LYRM7: variants seen among roughly 807,000 people sequenced by gnomAD.
LYRM7 encodes complex III assembly factor LYRM7.
In LYRM7, 9 loss-of-function variants were observed where a neutral mutation model predicts 15.8. That is an observed-to-expected ratio of 0.57 (90% CI 0.34 to 0.99). LYRM7 has a LOEUF of 0.99. LYRM7 is among the 50% of genes least tolerant of loss of function. The probability of loss-of-function intolerance (pLI) is 0.02; values close to 1 mark genes in which losing one functional copy is unlikely to be tolerated. For synonymous variants in LYRM7, 39 were observed against 39.4 expected (o/e 0.99, Z 0.04); for missense variants, 115 against 119.1 (o/e 0.97, Z 0.16).
chr5:131,172,783 G>T (rs1362660740), intron 1 of LYRM7, among the ~76,000 whole-genome samples: 1 of 152,116 alleles, frequency 6.6e-6, no homozygotes, highest in African/African-American at 2.4e-5. Flanking sequence ...GAGGCAAAAA[G>T]GCTGTTACTT....
At chr5:131,172,331 C>T (rs781388258) in intron 1 of LYRM7, among the ~76,000 whole-genome samples, 13 of 152,144 alleles carry the variant, frequency 8.5e-5, no homozygotes, top group Non-Finnish European at 1.6e-4. Flanking sequence ...AAGAGTTTCT[C>T]GAACCTGGGA....
At chr5:131,181,294 A>ATATATATATAT (rs1221861213) in intron 2 of LYRM7, among the ~76,000 whole-genome samples, 5 of 16,420 alleles carry the variant, frequency 3.0e-4, no homozygotes, top group African/African-American at 3.0e-4. Context: ...AAAAAAAAAA[A>ATATATATATAT]AAAAAAAAAT....
intron 1 of LYRM7, among the ~76,000 whole-genome samples, chr5:131,171,971 T>C (rs576773430): frequency 5.5e-4 from 84 of 152,340 alleles, no homozygotes; most frequent in African/African-American, 1.9e-3. Context: ...CTAAGCATAG[T>C]GGATGCAACA....
chr5:131,193,957 C>T (rs1422198533), intron 4 of LYRM7, among the ~76,000 whole-genome samples: 2 of 151,730 alleles, frequency 1.3e-5, no homozygotes, highest in African/African-American at 4.8e-5. Flanking sequence ...TGCAGTGAGC[C>T]GAGATTGCGC....
chr5:131,184,246 C>T lies in LYRM7; in HGVS notation c.162+1947C>T, dbSNP rs146661422. The stretch of plus-strand genomic sequence containing the variant: ...CCTCCCAAAGTGCTGGGATTACAGG[C>T]GTGAGCCACTGTGCCCAGCCCCCTG... On this transcript the variant is annotated intron_variant, in intron 3 of 4. Coordinates refer to ENST00000379380, the MANE Select transcript of LYRM7 (RefSeq NM_181705.4). Among the ~76,000 whole-genome samples, 849 of 152,262 alleles carry T rather than the reference C, an allele frequency of 5.6e-3. 7 individuals carry two copies. Among genetic ancestry groups the T allele is most frequent in the African/African-American group, 0.02 (832 of 41,546 alleles).
In LYRM7 at chr5:131,182,244, T is replaced by G; in HGVS notation, c.107T>G (p.Ile36Arg). 7.0e-7 allele frequency: 1 copy of G among 1,435,376 alleles called. No individual in the cohort carries two copies. Among genetic ancestry groups the G allele is most frequent in the South Asian group, 1.2e-5 (1 of 80,442 alleles). 88.9% of individuals were successfully genotyped at this position (1,435,376 alleles called of 1,614,324 possible). The change falls in exon 3 of 5, where the codon ATA becomes AGA. Residue 36 changes from isoleucine to arginine, a missense_variant. Transcript: ENST00000379380. ...ARALEAARIKINEEFKNNKSE... is the reference protein window; with the variant it reads ...ARALEAARIKRNEEFKNNKSE... ...CTCTTTGTAGCAGCCAGAATAAAGA[T>G]AAATGAAGAATTCAAAAATAATAAA...
intron 3 of LYRM7, among the ~76,000 whole-genome samples, chr5:131,182,700 A>C (rs2149662011): frequency 6.6e-6 from 1 of 152,324 alleles, no homozygotes; most frequent in South Asian, 2.1e-4. Context: ...CCATCTTGGC[A>C]ATGACAAACA....
chr5:131,196,043 G>GCATTTTGC (rs953183701), intron 4 of LYRM7, among the ~76,000 whole-genome samples: 3 of 151,824 alleles, frequency 2.0e-5, no homozygotes, highest in Admixed American at 2.0e-4. Flanking sequence ...GGATTTATAT[G>GCATTTTGC]CATTTTGCAT....
Position 131,202,233 on chromosome 5 carries a change from G to A in LYRM7, c.*2632G>A, listed in dbSNP as rs113372431. ...TTCATGGCTGGGTGTGGTGGCTCAC[G>A]CCTGTAATCCCAGCACTTTGGCAGG... On this transcript the variant is annotated 3_prime_UTR_variant, in exon 5 of 5. Coordinates refer to ENST00000379380, the MANE Select transcript of LYRM7 (RefSeq NM_181705.4). The A allele has an allele frequency of 0.17, 26,303 of 151,992 alleles. 2,599 individuals carry two copies. Among genetic ancestry groups the A allele is most frequent in the African/African-American group, 0.27 (11,170 of 41,444 alleles). The allele number at this position is 151,992 out of a possible 1,614,324, so 9.4% of individuals were successfully genotyped here.
At chr5:131,175,197 C>CTT (rs59140330) in intron 1 of LYRM7, among the ~76,000 whole-genome samples, 11,863 of 125,540 alleles carry the variant, frequency 0.094, 1,561 homozygotes, top group African/African-American at 0.29. Flanking sequence ...GCTTCAATCT[C>CTT]TTTTTTTTTT....
At position 131,199,612 on chromosome 5, in the gene LYRM7, A is replaced by G; in HGVS notation, c.*11A>G. Reference sequence around the variant, plus strand: ...ACTCAGAAGCAATGAGTTTTCTAGAATACAACAAGTCTTTGTACTTTTTAA... The same window carrying G: ...ACTCAGAAGCAATGAGTTTTCTAGAGTACAACAAGTCTTTGTACTTTTTAA... On this transcript the variant is annotated 3_prime_UTR_variant, in exon 5 of 5. Coordinates refer to ENST00000379380, the MANE Select transcript of LYRM7 (RefSeq NM_181705.4). 1 of 1,581,914 alleles carries G rather than the reference A, an allele frequency of 6.3e-7. No homozygotes were observed. Among genetic ancestry groups the G allele is most frequent in the Non-Finnish European group, 8.6e-7 (1 of 1,161,424 alleles).
rs1756036825 is a variant in LYRM7 at position 131,200,124 on chromosome 5, T to C, written c.*523T>C. The C allele has an allele frequency of 6.6e-6, 1 of 152,370 alleles. No homozygotes were observed. Among genetic ancestry groups the C allele is most frequent in the Non-Finnish European group, 1.5e-5 (1 of 68,030 alleles). 9.4% of individuals were successfully genotyped at this position (152,370 alleles called of 1,614,324 possible). ...TATTTCTGTAGCTAATATATAATTG[T>C]ACAGTTTCTTTTTAGAGATAGAGAG... On this transcript the variant is annotated 3_prime_UTR_variant, in exon 5 of 5. Transcript: ENST00000379380.
Position 131,181,275 on chromosome 5 carries a change from GAAA to G in LYRM7, c.92-928_92-926del, listed in dbSNP as rs1195878324. On this transcript the variant is annotated intron_variant, in intron 2 of 4. Transcript: ENST00000379380. ...TGGGCGACAAAGCAAGACTCCATCT[GAAA>G]AAAAAAAAAAAAAAAAAAAAAAAAA... Among the ~76,000 whole-genome samples, 63 of 8,334 alleles carry G rather than the reference GAAA, an allele frequency of 7.6e-3. 1 individual carries two copies. The highest frequency in any genetic ancestry group is 9.7e-3 in the Non-Finnish European group (35 of 3,618). 5.5% of individuals were successfully genotyped at this position (8,334 alleles called of 152,430 possible).
At chr5:131,179,379 A>G (rs7721068) in intron 1 of LYRM7, among the ~76,000 whole-genome samples, 34,818 of 151,656 alleles carry the variant, frequency 0.23, 6,016 homozygotes, top group African/African-American at 0.49. Flanking sequence ...TTTAATCCTT[A>G]TAATACGATT....
chr5:131,175,233 A>G lies in LYRM7; in HGVS notation c.18+4195A>G, dbSNP rs1048617326. Among the ~76,000 whole-genome samples the G allele has an allele frequency of 3.3e-5, 4 of 123,006 alleles. No individual in the cohort carries two copies. The East Asian group carries it at 8.7e-4, about 27-fold the overall frequency. The allele number at this position is 123,006 out of a possible 152,430, so 80.7% of individuals were successfully genotyped here. A position where few individuals can be genotyped will look rare whatever the true frequency, so the allele number is the denominator to read the frequency against. On this transcript the variant is annotated intron_variant, in intron 1 of 4. Transcript: ENST00000379380. ...TTTTTTTTGGTGATGGAGTTTCGCT[A>G]TTGTTGGCCAGGGCAGAGTGCAGTG...
chr5:131,181,350 T>C (rs1484467295), intron 2 of LYRM7, among the ~76,000 whole-genome samples: 2 of 39,242 alleles, frequency 5.1e-5, no homozygotes, highest in Non-Finnish European at 8.0e-5. Flanking sequence ...ACATATATGT[T>C]ATATATATAT....
intron 4 of LYRM7, among the ~76,000 whole-genome samples, chr5:131,195,609 TAAG>T (rs1327365752): frequency 6.6e-6 from 1 of 152,178 alleles, no homozygotes; most frequent in Non-Finnish European, 1.5e-5. Context: ...TTCATTGCTT[TAAG>T]AAGTGGCCCC....
rs1756066590 is a variant in LYRM7, at chr5:131,201,559, A to C, written c.*1958A>C. The stretch of plus-strand genomic sequence containing the variant: ...TGGGGAAACCCTGTCTCTACTAAAA[A>C]AAATACAGAATTAGCCAGGTGTGGT... On this transcript the variant is annotated 3_prime_UTR_variant, in exon 5 of 5. Coordinates refer to ENST00000379380, the MANE Select transcript of LYRM7 (RefSeq NM_181705.4). 6.6e-6 allele frequency: 1 copy of C among 151,970 alleles called. No individual in the cohort carries two copies. Among genetic ancestry groups the C allele is most frequent in the Non-Finnish European group, 1.5e-5 (1 of 68,034 alleles). The allele number at this position is 151,970 out of a possible 1,614,324, so 9.4% of individuals were successfully genotyped here. A position where few individuals can be genotyped will look rare whatever the true frequency, so the allele number is the denominator to read the frequency against.
rs375530579 is a variant in LYRM7 at position 131,180,216 on chromosome 5, T to C, written c.91+49T>C. On this transcript the variant is annotated intron_variant, in intron 2 of 4. Coordinates refer to ENST00000379380, the MANE Select transcript of LYRM7 (RefSeq NM_181705.4). The stretch of plus-strand genomic sequence containing the variant: ...GGAGCCAGTCTACTTTTTAGATAAC[T>C]ACTAATCTCTCTGAGAAACCCTGTG... The C allele has an allele frequency of 1.4e-5, 18 of 1,305,904 alleles. No individual in the cohort carries two copies. In the African/African-American group the frequency reaches 2.5e-4, roughly 18 times the overall value. The allele number at this position is 1,305,904 out of a possible 1,614,324, so 80.9% of individuals were successfully genotyped here.
Sources: allele counts gnomAD v4.1 joint callset (sites outside exome capture counted in the v4.1 genomes callset), GRCh38; gene constraint gnomAD v4.1.1; transcripts MANE v1.5; gene names NCBI Gene and HGNC (gene_info 2026-07-23, HGNC 2026-07-21).